Variants in ADGRL3 observed in about 807,000 individuals in gnomAD.
ADGRL3 encodes calcium-independent alpha-latrotoxin receptor 3.
Under a neutral mutation model 153.5 loss-of-function variants are expected in ADGRL3, and 62 were observed. The ratio of observed to expected loss-of-function variants is 0.40; its 90% CI spans 0.33 to 0.50. The LOEUF is 0.50. Ranked by LOEUF, ADGRL3 falls within the 20% of genes least tolerant of loss-of-function variation. The pLI, the probability that ADGRL3 is intolerant of heterozygous loss-of-function variation, is 0.47. For synonymous variants in ADGRL3, 710 were observed against 672.5 expected, an observed-to-expected ratio of 1.06 and a Z score of -0.86; for missense variants, 1,641 against 1,859.4, an observed-to-expected ratio of 0.88 and a Z score of 2.16.
intron 9 of ADGRL3, among the ~76,000 whole-genome samples, chr4:61,875,225 G>T (rs986742854): frequency 1.3e-5 from 2 of 152,094 alleles, no homozygotes; most frequent in African/African-American, 4.8e-5. Context: ...CTATGTAAAA[G>T]ACTTTCCACA....
At chr4:61,544,568 T>C (rs1336167282) in intron 4 of ADGRL3, among the ~76,000 whole-genome samples, 1 of 152,238 alleles carries the variant, frequency 6.6e-6, no homozygotes. Context: ...ATTCTGTTTT[T>C]TCCCTTTTGG....
chr4:61,467,042 A>G (rs2097893064), intron 2 of ADGRL3, among the ~76,000 whole-genome samples: 1 of 152,160 alleles, frequency 6.6e-6, no homozygotes, highest in South Asian at 2.1e-4. Flanking sequence ...TCAATATGTG[A>G]TAAGTACTTG....
intron 4 of ADGRL3, among the ~76,000 whole-genome samples, chr4:61,583,088 A>G (rs754611125): frequency 5.9e-5 from 9 of 152,082 alleles, no homozygotes; most frequent in Non-Finnish European, 1.2e-4. Context: ...TTAATTGGCT[A>G]CTTGCCTCTT....
intron 5 of ADGRL3, among the ~76,000 whole-genome samples, chr4:61,658,548 T>A (rs1420295328): frequency 1.3e-5 from 2 of 152,182 alleles, no homozygotes; most frequent in Non-Finnish European, 2.9e-5. Context: ...TTGGACACAG[T>A]GAAAGTGATG....
In ADGRL3 at chr4:62,044,309, C is replaced by A. The variant is rs925988032; in HGVS notation, c.3718-144C>A. On this transcript the variant is annotated intron_variant, in intron 24 of 26. Transcript: ENST00000683033. ...AGTTATTTCTGATGTTCTCATGCTA[C>A]TGTACTGCAAACATGTAGTTGTCTA... is the stretch of plus-strand genomic sequence containing the variant. The A allele has an allele frequency of 1.6e-4, 99 of 621,708 alleles. 1 individual carries two copies. The Admixed American group carries it at 2.8e-3, about 18-fold the overall frequency. The allele number at this position is 621,708 out of a possible 1,614,324, so 38.5% of individuals were successfully genotyped here.
At chr4:61,343,231 A>C (rs2095841230) in intron 1 of ADGRL3, among the ~76,000 whole-genome samples, 1 of 152,160 alleles carries the variant, frequency 6.6e-6, no homozygotes, top group African/African-American at 2.4e-5. Flanking sequence ...TTATCACCAG[A>C]TATTTTAATT....
At chr4:61,623,754 T>C (rs934167674) in intron 5 of ADGRL3, among the ~76,000 whole-genome samples, 8 of 152,104 alleles carry the variant, frequency 5.3e-5, no homozygotes, top group African/African-American at 1.7e-4. Context: ...CCCTAAGAAG[T>C]ATATTATTAG....
intron 1 of ADGRL3, among the ~76,000 whole-genome samples, chr4:61,364,771 T>A (rs987425863): frequency 2.0e-5 from 3 of 152,152 alleles, no homozygotes; most frequent in African/African-American, 7.2e-5. Flanking sequence ...TGAGAGACAA[T>A]AATCATCACC....
intron 9 of ADGRL3, among the ~76,000 whole-genome samples, chr4:61,818,035 T>C (rs1401126135): frequency 1.3e-5 from 2 of 152,116 alleles, no homozygotes; most frequent in African/African-American, 4.8e-5. Context: ...CAATCATGCC[T>C]TTCCAACAGT....
chr4:61,268,404 T>A (rs1298439302), intron 1 of ADGRL3, among the ~76,000 whole-genome samples: 2 of 151,672 alleles, frequency 1.3e-5, no homozygotes, highest in African/African-American at 4.8e-5. Context: ...TAGTTATCTT[T>A]TATTTGCTGA....
At chr4:61,252,564 T>C (rs1759687862) in intron 1 of ADGRL3, among the ~76,000 whole-genome samples, 1 of 152,224 alleles carries the variant, frequency 6.6e-6, no homozygotes, top group Non-Finnish European at 1.5e-5. Flanking sequence ...ATTAACTTTA[T>C]AAATTGATTC....
chr4:61,528,402 G>A (rs1449253963), intron 4 of ADGRL3, among the ~76,000 whole-genome samples: 1 of 151,874 alleles, frequency 6.6e-6, no homozygotes, highest in African/African-American at 2.4e-5. Context: ...TTTCTCCTTG[G>A]ACTCTGTTTA....
chr4:61,962,537 G>T (rs1433517022), intron 17 of ADGRL3, among the ~76,000 whole-genome samples: 1 of 151,902 alleles, frequency 6.6e-6, no homozygotes, highest in African/African-American at 2.4e-5. Context: ...ATTTTGTAAA[G>T]TCCAGGTCAG....
intron 17 of ADGRL3, among the ~76,000 whole-genome samples, chr4:61,962,751 A>G (rs1254560663): frequency 1.3e-5 from 2 of 152,208 alleles, no homozygotes; most frequent in Non-Finnish European, 2.9e-5. Context: ...GTACAGAAAC[A>G]TTGAACTTTT....
At chr4:61,205,663 A>C (rs1736797124) in intron 1 of ADGRL3, among the ~76,000 whole-genome samples, 1 of 152,222 alleles carries the variant, frequency 6.6e-6, no homozygotes, top group Non-Finnish European at 1.5e-5. Context: ...TAATTAAATA[A>C]AAAGTAAAAC....
At chr4:61,365,535 T>A (rs903172322) in intron 1 of ADGRL3, among the ~76,000 whole-genome samples, 16 of 152,220 alleles carry the variant, frequency 1.1e-4, no homozygotes, top group African/African-American at 3.6e-4. Flanking sequence ...GGCCTAGATA[T>A]AGTTTGCAGC....
intron 4 of ADGRL3, among the ~76,000 whole-genome samples, chr4:61,578,033 C>T (rs1007010275): frequency 4.6e-5 from 7 of 151,960 alleles, no homozygotes; most frequent in South Asian, 2.1e-4. Flanking sequence ...TTGAATAGAA[C>T]GTTTAACTTA....
At chr4:61,662,895 T>C (rs1247330613) in intron 5 of ADGRL3, among the ~76,000 whole-genome samples, 2 of 151,904 alleles carry the variant, frequency 1.3e-5, no homozygotes, top group African/African-American at 2.4e-5. Flanking sequence ...AGCTGAACAC[T>C]CATCAGGACA....
intron 9 of ADGRL3, among the ~76,000 whole-genome samples, chr4:61,864,514 T>G (rs2098381778): frequency 6.6e-6 from 1 of 152,150 alleles, no homozygotes; most frequent in African/African-American, 2.4e-5. Context: ...TAACGTTAAT[T>G]GAGCTCCACA....
Sources: gnomAD v4.1 joint callset for allele counts (sites outside exome capture counted in the v4.1 genomes callset) on GRCh38, gnomAD v4.1.1 for gene constraint, MANE v1.5 for transcripts, NCBI Gene and HGNC (gene_info 2026-07-23, HGNC 2026-07-21) for gene names.